NXPH4: variants seen among roughly 807,000 people sequenced by gnomAD.
NXPH4 encodes neurexophilin 4, also known as neurexophilin-4.
NXPH4 carries 8 observed loss-of-function variants against 21.3 expected under a neutral mutation model. The observed-to-expected ratio is 0.38, with a 90% CI of 0.22 to 0.68. The LOEUF (loss-of-function observed/expected upper bound fraction) is 0.68. NXPH4 is among the 30% of genes least tolerant of loss of function. The probability of loss-of-function intolerance (pLI) is 0.53; values close to 1 mark genes in which losing one functional copy is unlikely to be tolerated. For missense variants in NXPH4, 418 were observed against 416.8 expected (o/e 1.00, Z -0.03); for synonymous variants, 219 against 192.6 (o/e 1.14, Z -1.13).
intron 1 of NXPH4, 59 bp downstream of exon 1, chr12:57,217,085 C>A: frequency 6.9e-7 from 1 of 1,459,574 alleles, no homozygotes; most frequent in Non-Finnish European, 9.4e-7. Context: ...CGCGAAGGTC[C>A]CAGTGTGCGA....
Position 57,224,976 on chromosome 12 carries a change from G to A in NXPH4, c.156G>A (p.Glu52=). The A allele has an allele frequency of 1.4e-6, 2 of 1,454,380 alleles. No individual in the cohort carries two copies. Among genetic ancestry groups the A allele is most frequent in the Non-Finnish European group, 1.8e-6 (2 of 1,103,334 alleles). The allele number at this position is 1,454,380 out of a possible 1,614,324, so 90.1% of individuals were successfully genotyped here. The change falls in exon 2 of 2, where the codon GAG becomes GAA. Residue 52 remains glutamate (E), a synonymous_variant. Coordinates refer to ENST00000349394, the MANE Select transcript of NXPH4 (RefSeq NM_007224.4). The part of the protein sequence containing the change: ...GAGAPGQQLP[E]PRSSDGLGVG... ...GTGCCCCCGGCCAGCAGCTCCCAGA[G>A]CCAAGGTCTTCGGACGGCCTAGGCG...
chr12:57,226,113 G>T lies in NXPH4; in HGVS notation c.*366G>T. ...CGCAGCTTTAATAACTCCTGGCCTGGCACCCTCACCCCACCCTGACTTTCC... is the reference window on the plus strand; with the variant it reads ...CGCAGCTTTAATAACTCCTGGCCTGTCACCCTCACCCCACCCTGACTTTCC... On this transcript the variant is annotated 3_prime_UTR_variant, in exon 2 of 2. Transcript: ENST00000349394. 2.1e-6 allele frequency: 1 copy of T among 471,416 alleles called. No individual in the cohort carries two copies. 29.2% of individuals were successfully genotyped at this position (471,416 alleles called of 1,614,324 possible).
chr12:57,225,149 A>G lies in NXPH4; in HGVS notation c.329A>G (p.Asp110Gly), dbSNP rs748934065. 1.3e-6 allele frequency: 2 copies of G among 1,570,414 alleles called. No individual in the cohort carries two copies. The highest frequency in any genetic ancestry group is 1.7e-6 in the Non-Finnish European group (2 of 1,158,216). ...ARAKKIFGWGDFYFRVHTLKF... is the reference protein window; with the variant it reads ...ARAKKIFGWGGFYFRVHTLKF... ...GCCAAAAAGATCTTCGGCTGGGGGG[A>G]CTTCTACTTTCGGGTGCATACCCTC... Residue 110 changes from aspartate to glycine, a missense_variant, in exon 2 of 2, where the codon GAC becomes GGC. Transcript: ENST00000349394.
intron 1 of NXPH4, among the ~76,000 whole-genome samples, chr12:57,222,532 A>C (rs1000858428): frequency 1.3e-5 from 2 of 152,068 alleles, no homozygotes; most frequent in Admixed American, 1.3e-4. Flanking sequence ...GACCTGGATG[A>C]CTGGGCTTCT....
chr12:57,217,015 C>G lies in NXPH4; in HGVS notation c.46C>G (p.Leu16Val), dbSNP rs375295780. ...EWFLLLFGPW[L>V]LRKAVSAQIP... ...GTTCCTCTTGCTCTTTGGCCCGTGG[C>G]TCCTTAGGAAGGTAAGAGTGGCAGG... Residue 16 changes from leucine (L) to valine (V), a missense_variant, in exon 1 of 2, where the codon CTC becomes GTC. Transcript: ENST00000349394. The G allele has an allele frequency of 4.2e-5, 67 of 1,606,718 alleles. No homozygotes were observed. The highest frequency in any genetic ancestry group is 5.7e-5 in the Non-Finnish European group (67 of 1,177,098).
At chr12:57,217,394 ACTGT>A (rs1360838873) in intron 1 of NXPH4, among the ~76,000 whole-genome samples, 13 of 152,134 alleles carry the variant, frequency 8.5e-5, no homozygotes, top group African/African-American at 2.9e-4. Context: ...CGCCTGCCTC[ACTGT>A]CTGTCTGTCC....
chr12:57,225,773 C>T lies in NXPH4; in HGVS notation c.*26C>T. 2.5e-6 allele frequency: 4 copies of T among 1,592,802 alleles called. No individual in the cohort carries two copies. The highest frequency in any genetic ancestry group is 3.4e-6 in the Non-Finnish European group (4 of 1,166,286). ...CGCCCCTCCCCAGCCAGTCCTGAGC[C>T]TCCCGCCAAATCCCAGCCTCACTAG... On this transcript the variant is annotated 3_prime_UTR_variant, in exon 2 of 2. Transcript: ENST00000349394.
intron 1 of NXPH4, 88 bp from the exon 2 acceptor site, chr12:57,224,790 C>T (rs2037124994): frequency 4.1e-6 from 2 of 492,816 alleles, no homozygotes. Flanking sequence ...CTCCTAGCGG[C>T]TGTGGAAAGG....
Position 57,226,004 on chromosome 12 carries a change from G to C in NXPH4, c.*257G>C. 1.5e-6 allele frequency: 2 copies of C among 1,294,128 alleles called. No individual in the cohort carries two copies. Among genetic ancestry groups the C allele is most frequent in the South Asian group, 3.6e-5 (2 of 55,692 alleles). 80.2% of individuals were successfully genotyped at this position (1,294,128 alleles called of 1,614,324 possible). On this transcript the variant is annotated 3_prime_UTR_variant, in exon 2 of 2. Coordinates refer to ENST00000349394, the MANE Select transcript of NXPH4 (RefSeq NM_007224.4). ...AAGAGTGCAGCCCCAGAATAGGCGG[G>C]GCTTGGAGGCGGTCCCAATGTCCCC... is the stretch of plus-strand genomic sequence containing the variant.
intron 1 of NXPH4, chr12:57,221,287 T>C: frequency 2.2e-6 from 1 of 454,126 alleles, no homozygotes; most frequent in Non-Finnish European, 4.4e-6. Flanking sequence ...CTCAGGATGC[T>C]CTTTTCTCCC....
chr12:57,223,371 C>T (rs1262065738), intron 1 of NXPH4, among the ~76,000 whole-genome samples: 1 of 152,116 alleles, frequency 6.6e-6, no homozygotes, highest in Non-Finnish European at 1.5e-5. Flanking sequence ...CCAGCCAATC[C>T]AGGCACATAC....
In NXPH4 at chr12:57,225,073, G is replaced by A; in HGVS notation, c.253G>A (p.Ala85Thr). 2.0e-6 allele frequency: 3 copies of A among 1,475,940 alleles called. No individual in the cohort carries two copies. The highest frequency in any genetic ancestry group is 1.8e-4 in the Middle Eastern group (1 of 5,602). The allele number at this position is 1,475,940 out of a possible 1,614,324, so 91.4% of individuals were successfully genotyped here. A position where few individuals can be genotyped will look rare whatever the true frequency, so the allele number is the denominator to read the frequency against. ...GCTGGCCCGGGCAGGGGCAGCCGGG[G>A]CGTTGCCCGCGCAGCGCACCAAGAG... Reference protein sequence around the residue: ...GALARAGAAGALPAQRTKRKP... With the variant: ...GALARAGAAGTLPAQRTKRKP... The change falls in exon 2 of 2, where the codon GCG becomes ACG. Residue 85 changes from alanine to threonine, a missense_variant. By Grantham distance (58) the Ala-to-Thr change is moderately conservative. Coordinates refer to ENST00000349394, the MANE Select transcript of NXPH4 (RefSeq NM_007224.4).
intron 1 of NXPH4, among the ~76,000 whole-genome samples, chr12:57,224,315 C>T (rs975489610): frequency 1.3e-5 from 2 of 152,030 alleles, no homozygotes; most frequent in Non-Finnish European, 2.9e-5. Context: ...TTAGGTTTCT[C>T]CATGTTGGCC....
In NXPH4 at chr12:57,225,461, G is replaced by A. The variant is rs1565764595; in HGVS notation, c.641G>A (p.Gly214Glu). The change falls in exon 2 of 2, where the codon GGG becomes GAG. Residue 214 changes from glycine (G) to glutamate (E), a missense_variant. Transcript: ENST00000349394. Reference protein sequence around the residue: ...LGGSLGGALAGPLGGALGVPG... With the variant: ...LGGSLGGALAEPLGGALGVPG... ...GGCTCCCTCGGGGGCGCACTGGCGG[G>A]GCCGCTTGGGGGCGCGTTGGGAGTG... 1 of 1,599,560 alleles carries A rather than the reference G, an allele frequency of 6.3e-7. No homozygotes were observed. The highest frequency in any genetic ancestry group is 8.5e-7 in the Non-Finnish European group (1 of 1,174,566).
rs1233052425 is a variant in NXPH4, at chr12:57,225,867, G to A, written c.*120G>A. 1.1e-5 allele frequency: 16 copies of A among 1,473,132 alleles called. No individual in the cohort carries two copies. The highest frequency in any genetic ancestry group is 1.2e-5 in the Non-Finnish European group (13 of 1,117,514). 91.3% of individuals were successfully genotyped at this position (1,473,132 alleles called of 1,614,324 possible). A position where few individuals can be genotyped will look rare whatever the true frequency, so the allele number is the denominator to read the frequency against. On this transcript the variant is annotated 3_prime_UTR_variant, in exon 2 of 2. Transcript: ENST00000349394. ...CGCCCACTCCTTCCACTCTGGGGGC[G>A]GAGGGGAATGGCTTCTCGGGACCCT...
At position 57,221,623 on chromosome 12, in the gene NXPH4, T is replaced by G. The variant is rs1299425525; in HGVS notation, c.58-3255T>G. Reference sequence around the variant, plus strand: ...CTCCCCGAATGGGCCTGAAGGAGCCTGCTGAACCCCCCAGCTGCCGCGCAC... The same window carrying G: ...CTCCCCGAATGGGCCTGAAGGAGCCGGCTGAACCCCCCAGCTGCCGCGCAC... On this transcript the variant is annotated intron_variant, in intron 1 of 1. Transcript: ENST00000349394. The G allele has an allele frequency of 1.0e-5, 3 of 295,352 alleles. No homozygotes were observed. In the East Asian group the frequency reaches 2.8e-4, roughly 27 times the overall value. The allele number at this position is 295,352 out of a possible 1,614,324, so 18.3% of individuals were successfully genotyped here.
At position 57,217,082 on chromosome 12, in the gene NXPH4, G is replaced by T. The variant is rs2037047002; in HGVS notation, c.57+56G>T. On this transcript the variant is annotated intron_variant, in intron 1 of 1. Coordinates refer to ENST00000349394, the MANE Select transcript of NXPH4 (RefSeq NM_007224.4). The stretch of plus-strand genomic sequence containing the variant: ...GGGCGCGGGGTTCCGGGACGCGAAG[G>T]TCCCAGTGTGCGAGGGGCTCCGTGC... 7.4e-6 allele frequency: 11 copies of T among 1,484,440 alleles called. No individual in the cohort carries two copies. The South Asian group carries it at 1.2e-4, about 16-fold the overall frequency. The allele number at this position is 1,484,440 out of a possible 1,614,324, so 92.0% of individuals were successfully genotyped here. A position where few individuals can be genotyped will look rare whatever the true frequency, so the allele number is the denominator to read the frequency against.
chr12:57,220,317 C>A (rs1405582928), intron 1 of NXPH4, among the ~76,000 whole-genome samples: 1 of 152,220 alleles, frequency 6.6e-6, no homozygotes, highest in Non-Finnish European at 1.5e-5. Context: ...CCCCGCTCCG[C>A]GGCTCCCCCC....
Position 57,225,609 on chromosome 12 carries a change from G to C in NXPH4, c.789G>C (p.Gln263His). Reference protein sequence around the residue: ...PSQVCFTEHTQSQAAWLCAKP... With the variant: ...PSQVCFTEHTHSQAAWLCAKP... ...AGGTGTGCTTCACCGAGCACACGCA[G>C]AGCCAGGCCGCCTGGCTCTGTGCCA... is the stretch of plus-strand genomic sequence containing the variant. The change falls in exon 2 of 2, where the codon CAG becomes CAC. Residue 263 changes from glutamine to histidine, a missense_variant. Gln to His is a conservative substitution (Grantham distance 24). Coordinates refer to ENST00000349394, the MANE Select transcript of NXPH4 (RefSeq NM_007224.4). 6.2e-7 allele frequency: 1 copy of C among 1,613,602 alleles called. No individual in the cohort carries two copies. The highest frequency in any genetic ancestry group is 8.5e-7 in the Non-Finnish European group (1 of 1,180,010).
Sources: gnomAD v4.1 joint callset for allele counts (sites outside exome capture counted in the v4.1 genomes callset) on GRCh38, gnomAD v4.1.1 for gene constraint, MANE v1.5 for transcripts, NCBI Gene and HGNC (gene_info 2026-07-23, HGNC 2026-07-21) for gene names.